SHISAL2A: variants seen among roughly 807,000 people sequenced by gnomAD.
SHISAL2A encodes protein shisa-like-2A.
SHISAL2A carries 18 observed loss-of-function variants against 11.5 expected under a neutral mutation model. That is an observed-to-expected ratio of 1.57 (90% CI 1.08 to 2.33). SHISAL2A has a LOEUF of 2.33. Ranked by LOEUF, SHISAL2A falls within the 30% of genes most tolerant of loss-of-function variation. SHISAL2A has a pLI of 0.00. For synonymous variants in SHISAL2A, 94 were observed against 99.6 expected, an observed-to-expected ratio of 0.94 and a Z score of 0.34; for missense variants, 261 against 250.9, an observed-to-expected ratio of 1.04 and a Z score of -0.27.
Position 52,633,719 on chromosome 1 carries a change from CTCAGCGCCT to C in SHISAL2A, c.182+48_182+56del, listed in dbSNP as rs1691182387. 1.3e-6 allele frequency: 2 copies of C among 1,527,246 alleles called. No homozygotes were observed. The highest frequency in any genetic ancestry group is 1.1e-5 in the South Asian group (1 of 87,274). The allele number at this position is 1,527,246 out of a possible 1,614,324, so 94.6% of individuals were successfully genotyped here. The stretch of plus-strand genomic sequence containing the variant: ...ACCCTACCTTGAACCCCACTCCAGT[CTCAGCGCCT>C]TCACCCCAGCCTCAGCCCCCACCCG... On this transcript the variant is annotated intron_variant, in intron 1 of 2. Transcript: ENST00000517870. The surrounding 1 kb of genome is among the most constrained non-coding windows in gnomAD (Gnocchi z 6.4).
At chr1:52,638,274 C>T (rs1691280956) in intron 1 of SHISAL2A, among the ~76,000 whole-genome samples, 1 of 141,418 alleles carries the variant, frequency 7.1e-6, no homozygotes, top group African/African-American at 2.9e-5. Flanking sequence ...AAACTCTCCC[C>T]CTCACTCCTC....
At chr1:52,668,789 ACT>A (rs2149898818) in exon 6 of SHISAL2A, 1 of 151,848 alleles carries the variant, frequency 6.6e-6, no homozygotes, top group African/African-American at 2.4e-5. Flanking sequence ...CCCCCAACTA[ACT>A]CTGATCTGGC....
intron 4 of SHISAL2A, among the ~76,000 whole-genome samples, chr1:52,666,278 C>T (rs979954565): frequency 1.3e-5 from 2 of 152,156 alleles, no homozygotes; most frequent in East Asian, 1.9e-4. Context: ...ATGATGAAAC[C>T]GTGCCTCTAC....
At chr1:52,660,093 T>C (rs1691873915), downstream of SHISAL2A, among the ~76,000 whole-genome samples, 1 of 152,054 alleles carries the variant, frequency 6.6e-6, no homozygotes, top group African/African-American at 2.4e-5. Context: ...TCTAACAAAT[T>C]CCAGGTGATG....
At chr1:52,644,773 T>C (rs1166482235) in intron 2 of SHISAL2A, among the ~76,000 whole-genome samples, 1 of 151,250 alleles carries the variant, frequency 6.6e-6, no homozygotes, top group Non-Finnish European at 1.5e-5. Context: ...ATCCCAGCAC[T>C]TTGGGAGGCC....
chr1:52,646,118 AT>A (rs1366762682), intron 2 of SHISAL2A, among the ~76,000 whole-genome samples: 1 of 152,202 alleles, frequency 6.6e-6, no homozygotes, highest in East Asian at 1.9e-4. Context: ...GTATGTAAAC[AT>A]TTTTGGTTGT....
downstream of SHISAL2A, among the ~76,000 whole-genome samples, chr1:52,658,355 T>C (rs886296148): frequency 6.6e-6 from 1 of 152,212 alleles, no homozygotes; most frequent in East Asian, 1.9e-4. Context: ...AAAGACTTTT[T>C]AAATGACCAA....
At chr1:52,638,366 C>G (rs10493169) in intron 1 of SHISAL2A, among the ~76,000 whole-genome samples, 5,657 of 146,664 alleles carry the variant, frequency 0.039, 376 homozygotes, top group African/African-American at 0.14. Context: ...GCACAATTCT[C>G]CTAGATAACA....
intron 1 of SHISAL2A, among the ~76,000 whole-genome samples, chr1:52,640,657 G>A (rs982427833): frequency 2.6e-5 from 4 of 151,096 alleles, no homozygotes; most frequent in Non-Finnish European, 5.9e-5. Context: ...CTCTGCCCCT[G>A]GTTCCTGAGT....
At chr1:52,644,320 G>A (rs1691444748) in intron 2 of SHISAL2A, among the ~76,000 whole-genome samples, 1 of 152,242 alleles carries the variant, frequency 6.6e-6, no homozygotes, top group Non-Finnish European at 1.5e-5. Flanking sequence ...GTGGGTACAT[G>A]TGTGTGGACC....
Position 52,633,491 on chromosome 1 carries a change from G to T in SHISAL2A, c.-3G>T. On this transcript the variant is annotated 5_prime_UTR_variant, in exon 1 of 3. Transcript: ENST00000517870. This position sits in a 1 kb window ranked among gnomAD's most constrained non-coding sequence, Gnocchi z 6.4. ...GGTGGCGGCGGGCTGGGCGCGGGGC[G>T]CGATGAGCGGCGCCTGCACGAGCTA... 2 of 1,496,532 alleles carry T rather than the reference G, an allele frequency of 1.3e-6. No homozygotes were observed. The highest frequency in any genetic ancestry group is 8.9e-7 in the Non-Finnish European group (1 of 1,129,650). The allele number at this position is 1,496,532 out of a possible 1,614,324, so 92.7% of individuals were successfully genotyped here.
chr1:52,660,485 C>A (rs550595837), downstream of SHISAL2A, among the ~76,000 whole-genome samples: 1 of 152,272 alleles, frequency 6.6e-6, no homozygotes, highest in East Asian at 1.9e-4. Flanking sequence ...GGCTGATACG[C>A]AGACAGAAAT....
Position 52,633,249 on chromosome 1 carries a change from C to A in SHISAL2A, c.-245C>A. On this transcript the variant is annotated 5_prime_UTR_variant, in exon 1 of 3. Transcript: ENST00000517870. The surrounding 1 kb of genome is among the most constrained non-coding windows in gnomAD (Gnocchi z 6.4). Reference sequence around the variant, plus strand: ...GCCGCGTTCCAGCAGCCGTCACTCCCGCCGCCGGCCCCCGCCGCCCGCCCC... The same window carrying A: ...GCCGCGTTCCAGCAGCCGTCACTCCAGCCGCCGGCCCCCGCCGCCCGCCCC... 1 of 327,728 alleles carries A rather than the reference C, an allele frequency of 3.1e-6. No homozygotes were observed. The highest frequency in any genetic ancestry group is 1.4e-4 in the South Asian group (1 of 7,122). 20.3% of individuals were successfully genotyped at this position (327,728 alleles called of 1,614,324 possible). A position where few individuals can be genotyped will look rare whatever the true frequency, so the allele number is the denominator to read the frequency against.
intron 4 of SHISAL2A, among the ~76,000 whole-genome samples, chr1:52,664,480 C>T (rs967237952): frequency 6.6e-5 from 10 of 151,736 alleles, no homozygotes; most frequent in Non-Finnish European, 8.8e-5. Context: ...CTCAGCCTCC[C>T]GAGTAGCTGA....
At chr1:52,638,274 C>A (rs1691280956) in intron 1 of SHISAL2A, among the ~76,000 whole-genome samples, 1 of 141,418 alleles carries the variant, frequency 7.1e-6, no homozygotes, top group African/African-American at 2.9e-5. Flanking sequence ...AAACTCTCCC[C>A]CTCACTCCTC....
intron 2 of SHISAL2A, 102 bp from the exon 3 acceptor site, chr1:52,656,688 C>A: frequency 2.3e-6 from 3 of 1,290,250 alleles, no homozygotes; most frequent in African/African-American, 1.5e-5. Context: ...AAGGCTCTGA[C>A]CACAGTGCAC....
chr1:52,666,580 G>T (rs184251472), intron 4 of SHISAL2A, among the ~76,000 whole-genome samples: 1 of 147,706 alleles, frequency 6.8e-6, no homozygotes, highest in East Asian at 1.9e-4. Flanking sequence ...CTGTGCACAC[G>T]CGCGTGTGTG....
intron 2 of SHISAL2A, among the ~76,000 whole-genome samples, chr1:52,649,814 A>G (rs1055706230): frequency 1.1e-4 from 17 of 152,154 alleles, no homozygotes; most frequent in African/African-American, 3.6e-4. Flanking sequence ...AGATACTAAA[A>G]CATTGGGGGG....
intron 1 of SHISAL2A, among the ~76,000 whole-genome samples, chr1:52,637,621 C>A (rs543907104): frequency 5.9e-5 from 9 of 152,332 alleles, no homozygotes; most frequent in Non-Finnish European, 1.3e-4. Context: ...AGCAGCCTTG[C>A]CGGAAGGCAG....
Sources: gnomAD v4.1 joint callset for allele counts (sites outside exome capture counted in the v4.1 genomes callset) on GRCh38, gnomAD v4.1.1 for gene constraint, Gnocchi (gnomAD v3.1) non-coding constraint, MANE v1.5 for transcripts, NCBI Gene and HGNC (gene_info 2026-07-23, HGNC 2026-07-21) for gene names.